Variants in PLEKHG4B observed in about 807,000 individuals in gnomAD.
PLEKHG4B encodes pleckstrin homology and RhoGEF domain containing G4B.
Under a neutral mutation model 121.3 loss-of-function variants are expected in PLEKHG4B, and 111 were observed. The ratio of observed to expected loss-of-function variants is 0.92; its 90% CI spans 0.78 to 1.07. The LOEUF (loss-of-function observed/expected upper bound fraction) is 1.07, where lower values mean the gene tolerates loss of function less well. Among genes scored for constraint, PLEKHG4B ranks in the 50% least tolerant of loss-of-function variants. PLEKHG4B has a pLI of 0.00. For synonymous variants in PLEKHG4B, 738 were observed against 725.0 expected (o/e 1.02, Z -0.29); for missense variants, 1,831 against 1,757.8 (o/e 1.04, Z -0.74).
chr5:145,538 G>T (rs1178368732), intron 6 of PLEKHG4B, among the ~76,000 whole-genome samples: 1 of 152,180 alleles, frequency 6.6e-6, no homozygotes, highest in Non-Finnish European at 1.5e-5. Flanking sequence ...TTTTTTGTAT[G>T]TTTACTAGAG....
intron 9 of PLEKHG4B, 47 bp downstream of exon 9, chr5:155,490 G>A (rs200892340): frequency 6.9e-7 from 1 of 1,458,760 alleles, no homozygotes; most frequent in African/African-American, 1.4e-5. Context: ...TGACAGGTAG[G>A]TGGGGGCATA....
At chr5:164,682 G>T (rs1579313527) in intron 13 of PLEKHG4B, among the ~76,000 whole-genome samples, 1 of 57,450 alleles carries the variant, frequency 1.7e-5, no homozygotes, top group Admixed American at 1.5e-4. Flanking sequence ...ACTCTGACAG[G>T]GGGCGGAGCT....
At position 162,883 on chromosome 5, in the gene PLEKHG4B, G is replaced by A; in HGVS notation, c.2811G>A (p.Trp937Ter). The A allele has an allele frequency of 3.3e-6, 5 of 1,521,598 alleles. No homozygotes were observed. Among genetic ancestry groups the A allele is most frequent in the Non-Finnish European group, 4.4e-6 (5 of 1,133,204 alleles). The allele number at this position is 1,521,598 out of a possible 1,614,324, so 94.3% of individuals were successfully genotyped here. ...AGCCTCATGCCCTGGGGAAACCGTG[G>A]GCATCACAGCAAGACCTGTGGCTGC... ...VLKPHALGKP[W>*]ASQQDLWLQY... The change falls in exon 13 of 20, where the codon TGG becomes TGA. Residue 937 changes from tryptophan (W) to a stop codon, truncating the protein, a stop_gained. Transcript: ENST00000637938. LOFTEE classifies it high-confidence loss of function.
At chr5:167,359 T>C (rs1262162785) in intron 13 of PLEKHG4B, among the ~76,000 whole-genome samples, 1 of 152,208 alleles carries the variant, frequency 6.6e-6, no homozygotes, top group East Asian at 1.9e-4. Flanking sequence ...TTCAGCAGCA[T>C]TTCTGCCCAC....
intron 6 of PLEKHG4B, 34 bp from the exon 7 acceptor site, chr5:151,479 C>T (rs912378564): frequency 1.4e-6 from 2 of 1,386,666 alleles, no homozygotes; most frequent in African/African-American, 2.9e-5. Flanking sequence ...AATTAGAAAG[C>T]TAATCAGTAA....
At position 175,965 on chromosome 5, in the gene PLEKHG4B, G is replaced by A. The variant is rs1355898713; in HGVS notation, c.4402+1867G>A. Among the ~76,000 whole-genome samples the A allele has an allele frequency of 3.0e-4, 23 of 77,016 alleles. 1 individual carries two copies. Among genetic ancestry groups the A allele is most frequent in the Non-Finnish European group, 5.1e-4 (19 of 37,054 alleles). 50.5% of individuals were successfully genotyped at this position (77,016 alleles called of 152,430 possible). Reference sequence around the variant, plus strand: ...CACGGCTGCACCCCGCCTGAGCCCTGACCCCTCCAGGCAGACACGACCAGG... The same window carrying A: ...CACGGCTGCACCCCGCCTGAGCCCTAACCCCTCCAGGCAGACACGACCAGG... On this transcript the variant is annotated intron_variant, in intron 18 of 19. Transcript: ENST00000637938.
intron 2 of PLEKHG4B, among the ~76,000 whole-genome samples, chr5:115,795 T>C (rs992612684): frequency 6.6e-6 from 1 of 152,224 alleles, no homozygotes; most frequent in Non-Finnish European, 1.5e-5. Context: ...TTCATAGAAC[T>C]GAAGAAAGTT....
intron 2 of PLEKHG4B, among the ~76,000 whole-genome samples, chr5:124,438 T>C (rs1734554742): frequency 1.3e-5 from 2 of 152,206 alleles, no homozygotes; most frequent in Non-Finnish European, 1.5e-5. Flanking sequence ...TAAAAATACA[T>C]CTTCTGTCTG....
intron 13 of PLEKHG4B, among the ~76,000 whole-genome samples, chr5:164,355 C>T (rs911801767): frequency 1.3e-5 from 2 of 152,254 alleles, no homozygotes; most frequent in Admixed American, 6.5e-5. Context: ...TTCTCCGAGA[C>T]TCTAATGCTG....
chr5:182,539 C>A lies in PLEKHG4B; in HGVS notation c.*216C>A. 1 of 566,448 alleles carries A rather than the reference C, an allele frequency of 1.8e-6. No homozygotes were observed. Among genetic ancestry groups the A allele is most frequent in the East Asian group, 2.8e-5 (1 of 35,390 alleles). The allele number at this position is 566,448 out of a possible 1,614,324, so 35.1% of individuals were successfully genotyped here. On this transcript the variant is annotated 3_prime_UTR_variant, in exon 20 of 20. Transcript: ENST00000637938. Reference sequence around the variant, plus strand: ...ATTTTGTCTTATTTAAAAAACAAACCTTCCACTTCCACCCAAGACAACAGC... The same window carrying A: ...ATTTTGTCTTATTTAAAAAACAAACATTCCACTTCCACCCAAGACAACAGC...
intron 2 of PLEKHG4B, among the ~76,000 whole-genome samples, chr5:132,522 T>C (rs1230699509): frequency 6.6e-6 from 1 of 152,246 alleles, no homozygotes; most frequent in Non-Finnish European, 1.5e-5. Flanking sequence ...GTTTATGGTT[T>C]CTGGTCTTAG....
intron 19 of PLEKHG4B, 24 bp from the exon 20 acceptor site, chr5:181,980 G>C: frequency 6.2e-7 from 1 of 1,605,198 alleles, no homozygotes; most frequent in Non-Finnish European, 8.5e-7. Context: ...AAGCCAGCCT[G>C]ACGTGCTTTC....
At position 154,942 on chromosome 5, in the gene PLEKHG4B, T is replaced by C. The variant is rs1735722681; in HGVS notation, c.2060T>C (p.Leu687Pro). 6.2e-7 allele frequency: 1 copy of C among 1,613,768 alleles called. No homozygotes were observed. The highest frequency in any genetic ancestry group is 1.3e-5 in the African/African-American group (1 of 75,032). Residue 687 changes from leucine to proline, a missense_variant, in exon 8 of 20, where the codon CTC becomes CCC. Coordinates refer to ENST00000637938, the MANE Select transcript of PLEKHG4B (RefSeq NM_052909.5). Reference protein sequence around the residue: ...FVDSCQLTADLDGSFPYSHGD... With the variant: ...FVDSCQLTADPDGSFPYSHGD... ...GACAGCTGCCAGCTGACCGCAGACC[T>C]CGACGGCTCCTTTCCCTACAGCCAT...
chr5:136,903 A>G (rs1735000558), intron 2 of PLEKHG4B, among the ~76,000 whole-genome samples: 2 of 152,242 alleles, frequency 1.3e-5, no homozygotes, highest in Admixed American at 6.5e-5. Flanking sequence ...AGATATTTGT[A>G]TACCCGTGTT....
chr5:169,581 T>C lies in PLEKHG4B; in HGVS notation c.3718T>C (p.Phe1240Leu). The C allele has an allele frequency of 1.2e-6, 2 of 1,613,298 alleles. No homozygotes were observed. The highest frequency in any genetic ancestry group is 1.7e-6 in the Non-Finnish European group (2 of 1,180,034). ...QHCPLAVGRS[F>L]LRHEEQFGMY... ...CTGCCCCTTGGCCGTGGGCCGCAGT[T>C]TCCTGAGACACGTAAGTGCAGGCCA... is the stretch of plus-strand genomic sequence containing the variant. The change falls in exon 14 of 20, where the codon TTC becomes CTC. Residue 1240 changes from phenylalanine (F) to leucine (L), a missense_variant. Physicochemically the swap from Phe to Leu is conservative, Grantham distance 22 (BLOSUM62 0). Transcript: ENST00000637938.
At chr5:178,195 A>G (rs1219731620) in intron 18 of PLEKHG4B, among the ~76,000 whole-genome samples, 2 of 152,202 alleles carry the variant, frequency 1.3e-5, no homozygotes, top group African/African-American at 2.4e-5. Flanking sequence ...CCTGCCTTCA[A>G]TTAACACTTT....
chr5:145,779 G>A (rs79938921), intron 6 of PLEKHG4B, among the ~76,000 whole-genome samples: 2,161 of 152,140 alleles, frequency 0.014, 57 homozygotes, highest in African/African-American at 0.049. Context: ...CCAGGGACAG[G>A]GGGGTCCAGG....
rs1339951771 is a variant in PLEKHG4B, at chr5:183,459, C to CAGA, written c.*1138_*1140dup. Reference sequence around the variant, plus strand: ...TGGCTGAAATCGCAGCCCAGGCGTCCAGAAAGTTAAAGTTAAGAACCTATA... The same window carrying CAGA: ...TGGCTGAAATCGCAGCCCAGGCGTCCAGAAGAAAGTTAAAGTTAAGAACCTATA... On this transcript the variant is annotated 3_prime_UTR_variant, in exon 20 of 20. Transcript: ENST00000637938. The CAGA allele has an allele frequency of 2.6e-5, 4 of 152,190 alleles. No homozygotes were observed. The highest frequency in any genetic ancestry group is 5.9e-5 in the Non-Finnish European group (4 of 68,050). 9.4% of individuals were successfully genotyped at this position (152,190 alleles called of 1,614,324 possible). A position where few individuals can be genotyped will look rare whatever the true frequency, so the allele number is the denominator to read the frequency against.
Position 143,036 on chromosome 5 carries a change from C to A in PLEKHG4B, c.1478-11C>A. On this transcript the variant is annotated splice_polypyrimidine_tract_variant and intron_variant, in intron 3 of 19. Coordinates refer to ENST00000637938, the MANE Select transcript of PLEKHG4B (RefSeq NM_052909.5). Reference sequence around the variant, plus strand: ...CCTTCATCTTTGACACGGCCTCTTTCCTTTGTCCAGACGTTCTTGCATCCT... The same window carrying A: ...CCTTCATCTTTGACACGGCCTCTTTACTTTGTCCAGACGTTCTTGCATCCT... 6.2e-7 allele frequency: 1 copy of A among 1,612,162 alleles called. No individual in the cohort carries two copies. Among genetic ancestry groups the A allele is most frequent in the Non-Finnish European group, 8.5e-7 (1 of 1,178,914 alleles).
Sources: gnomAD v4.1 joint callset for allele counts (sites outside exome capture counted in the v4.1 genomes callset) on GRCh38, gnomAD v4.1.1 for gene constraint, MANE v1.5 for transcripts, NCBI Gene and HGNC (gene_info 2026-07-23, HGNC 2026-07-21) for gene names.